The following XPO4 variants were observed in gnomAD, a reference collection of about 807,000 sequenced individuals.
The protein encoded by XPO4 is exportin 4.
Under a neutral mutation model 143.0 loss-of-function variants are expected in XPO4, and 39 were observed. The ratio of observed to expected loss-of-function variants is 0.27; its 90% CI spans 0.21 to 0.36. The LOEUF (loss-of-function observed/expected upper bound fraction) is 0.36. XPO4 is among the 10% of genes least tolerant of loss of function. The probability of loss-of-function intolerance (pLI) is 1.00; values close to 1 mark genes in which losing one functional copy is unlikely to be tolerated. For missense variants in XPO4, 907 were observed against 1,348.0 expected, an observed-to-expected ratio of 0.67 and a Z score of 5.12; for synonymous variants, 439 against 474.0, an observed-to-expected ratio of 0.93 and a Z score of 0.96.
At chr13:20,785,941 T>G (rs1389924757) in intron 22 of XPO4, among the ~76,000 whole-genome samples, 36 of 102,192 alleles carry the variant, frequency 3.5e-4, no homozygotes, top group South Asian at 8.8e-4. Flanking sequence ...AAAAGAAAAA[T>G]GAAAGAAAAA....
intron 1 of XPO4, among the ~76,000 whole-genome samples, chr13:20,870,931 C>G (rs190496187): frequency 6.6e-6 from 1 of 152,092 alleles, no homozygotes; most frequent in East Asian, 1.9e-4. Context: ...CTGCCTCAGT[C>G]TCCTCAGTAG....
intron 16 of XPO4, among the ~76,000 whole-genome samples, chr13:20,798,015 G>A (rs1018492593): frequency 7.2e-5 from 11 of 152,084 alleles, no homozygotes; most frequent in South Asian, 4.2e-4. Flanking sequence ...ATGGTGGTGC[G>A]CACCTGTAAT....
At position 20,778,124 on chromosome 13, in the gene XPO4, T is replaced by TA. The variant is rs1171994415; in HGVS notation, c.*5597dup. The TA allele has an allele frequency of 6.6e-6, 1 of 152,166 alleles. No homozygotes were observed. Among genetic ancestry groups the TA allele is most frequent in the African/African-American group, 2.4e-5 (1 of 41,440 alleles). 9.4% of individuals were successfully genotyped at this position (152,166 alleles called of 1,614,324 possible). ...GGAGAGCACCATTAAAGATGTCTTT[T>TA]AAAAAACAGTTATAGATGTGTATTT... On this transcript the variant is annotated 3_prime_UTR_variant, in exon 23 of 23. Coordinates refer to ENST00000255305, the MANE Select transcript of XPO4 (RefSeq NM_022459.5).
rs957852997 is a variant in XPO4, at chr13:20,797,391, T to C, written c.2323-334A>G. ...CAGACAGTAAGCCACATTTGGCCCA[T>C]GGGCTGCAGCTTGCCGACCTCTACA... On this transcript the variant is annotated intron_variant, in intron 16 of 22. Transcript: ENST00000255305. 7.2e-5 allele frequency among the ~76,000 whole-genome samples: 11 copies of C among 152,310 alleles called. 1 individual carries two copies. In the South Asian group the frequency reaches 2.3e-3, roughly 32 times the overall value.
intron 18 of XPO4, among the ~76,000 whole-genome samples, chr13:20,793,538 T>G (rs577992156): frequency 1.3e-5 from 2 of 152,270 alleles, no homozygotes; most frequent in Admixed American, 1.3e-4. Flanking sequence ...ATAGCCCCCC[T>G]GCCCTTTCTT....
At chr13:20,848,338 G>C in intron 4 of XPO4, 1 of 985,426 alleles carries the variant, frequency 1.0e-6, no homozygotes, top group Non-Finnish European at 1.2e-6. Flanking sequence ...AACAGTCCAA[G>C]ATTTCCTTCT....
chr13:20,866,460 TAAAC>T, intron 2 of XPO4: 1 of 869,664 alleles, frequency 1.1e-6, no homozygotes. Context: ...ACATAATCCC[TAAAC>T]AAGAATGTGA....
At chr13:20,866,017 A>G in intron 2 of XPO4, 1 of 984,246 alleles carries the variant, frequency 1.0e-6, no homozygotes, top group Non-Finnish European at 1.2e-6. Flanking sequence ...TCTCCCTGAG[A>G]AAGAGTAAAA....
intron 20 of XPO4, 105 bp from the exon 21 acceptor site, chr13:20,787,703 T>A (rs2059224028): frequency 2.3e-6 from 2 of 854,256 alleles, no homozygotes; most frequent in Non-Finnish European, 3.8e-6. Context: ...TAGAAATGAA[T>A]ACAGATACAC....
chr13:20,902,181 G>A, intron 1 of XPO4: 2 of 985,342 alleles, frequency 2.0e-6, no homozygotes, highest in Non-Finnish European at 2.4e-6. Flanking sequence ...CTCCAGAGGT[G>A]GCTGCATGTC....
intron 5 of XPO4, 43 bp downstream of exon 5, chr13:20,843,727 G>A (rs1186110873): frequency 7.3e-7 from 1 of 1,361,694 alleles, no homozygotes. Flanking sequence ...AGTAAAAAGT[G>A]AATGATCCAA....
chr13:20,890,792 C>T (rs1435233583), intron 1 of XPO4, among the ~76,000 whole-genome samples: 1 of 117,800 alleles, frequency 8.5e-6, no homozygotes, highest in African/African-American at 3.3e-5. Context: ...GAATGAGACC[C>T]TGCCTCAAAA....
chr13:20,850,912 G>A (rs1028318902), intron 4 of XPO4: 26 of 985,180 alleles, frequency 2.6e-5, no homozygotes, highest in Non-Finnish European at 7.2e-6. Context: ...CTAATTTAAT[G>A]GTTCATGAAG....
At chr13:20,902,618 G>T in intron 1 of XPO4, 52 bp downstream of exon 1, 1 of 1,511,376 alleles carries the variant, frequency 6.6e-7, no homozygotes, top group East Asian at 2.7e-5. Flanking sequence ...GGAGTGGCAG[G>T]GCCGACCGGG....
intron 4 of XPO4, chr13:20,850,131 G>A: frequency 1.0e-6 from 1 of 984,934 alleles, no homozygotes; most frequent in Non-Finnish European, 1.2e-6. Context: ...CAAATGATTA[G>A]TTTCACTCAT....
intron 6 of XPO4, among the ~76,000 whole-genome samples, chr13:20,831,563 C>T (rs996410227): frequency 9.2e-5 from 14 of 152,054 alleles, no homozygotes; most frequent in African/African-American, 3.4e-4. Flanking sequence ...TTTTCTTGGG[C>T]TATGGCTTTA....
At chr13:20,795,886 T>A (rs2059351667) in intron 18 of XPO4, among the ~76,000 whole-genome samples, 190 bp downstream of exon 18, 1 of 152,204 alleles carries the variant, frequency 6.6e-6, no homozygotes, top group South Asian at 2.1e-4. Flanking sequence ...ACTATTTCTA[T>A]TATTCTTACA....
intron 1 of XPO4, among the ~76,000 whole-genome samples, chr13:20,891,405 T>C (rs748220648): frequency 5.9e-5 from 9 of 152,232 alleles, no homozygotes; most frequent in Non-Finnish European, 1.3e-4. Flanking sequence ...TGATGCCATG[T>C]TATTTGATAC....
chr13:20,787,327 G>C (rs952699548), intron 21 of XPO4, among the ~76,000 whole-genome samples, 154 bp downstream of exon 21: 1 of 152,170 alleles, frequency 6.6e-6, no homozygotes, highest in Admixed American at 6.5e-5. Context: ...TGTCCATGAA[G>C]AGCTGATCTC....
Sources: gnomAD v4.1 joint callset for allele counts (sites outside exome capture counted in the v4.1 genomes callset) on GRCh38, gnomAD v4.1.1 for gene constraint, MANE v1.5 for transcripts, NCBI Gene and HGNC (gene_info 2026-07-23, HGNC 2026-07-21) for gene names.